Variants in RPS6KC1 observed in about 807,000 individuals in gnomAD.
RPS6KC1 encodes inactive ribosomal protein S6 kinase delta-1.
RPS6KC1 carries 54 observed loss-of-function variants against 103.8 expected under a neutral mutation model. The observed-to-expected ratio is 0.52, with a 90% CI of 0.42 to 0.65. RPS6KC1 has a LOEUF of 0.65. RPS6KC1 is among the 30% of genes least tolerant of loss of function. The pLI, the probability that RPS6KC1 is intolerant of heterozygous loss-of-function variation, is 0.00. For missense variants in RPS6KC1, 1,151 were observed against 1,253.8 expected (o/e 0.92, Z 1.24); for synonymous variants, 439 against 438.7 (o/e 1.00, Z -0.01).
chr1:213,453,266 G>C, the RPS6KC1 span, among the ~76,000 whole-genome samples: 1 of 152,022 alleles, frequency 6.6e-6, no homozygotes, highest in Non-Finnish European at 1.5e-5. Flanking sequence ...TAGGGACTGG[G>C]GAAACAACTC....
chr1:213,369,042 C>T, the RPS6KC1 span, among the ~76,000 whole-genome samples: 10 of 152,164 alleles, frequency 6.6e-5, no homozygotes, highest in African/African-American at 1.7e-4. Flanking sequence ...GAGATTAAGT[C>T]CTTGTCTATA....
chr1:213,842,822 G>A, the RPS6KC1 span, among the ~76,000 whole-genome samples: 1 of 152,192 alleles, frequency 6.6e-6, no homozygotes, highest in Non-Finnish European at 1.5e-5. Flanking sequence ...GTCCAGTTCT[G>A]TTTTAGGGGC....
the RPS6KC1 span, among the ~76,000 whole-genome samples, chr1:213,365,019 C>T: frequency 6.6e-6 from 1 of 152,112 alleles, no homozygotes; most frequent in Non-Finnish European, 1.5e-5. Flanking sequence ...ATTCATTGAG[C>T]ACCATAAATA....
the RPS6KC1 span, among the ~76,000 whole-genome samples, chr1:213,666,146 G>A: frequency 6.6e-6 from 1 of 152,176 alleles, no homozygotes; most frequent in Admixed American, 6.5e-5. Context: ...AATGAAGCTG[G>A]CTGGGACCTC....
the RPS6KC1 span, among the ~76,000 whole-genome samples, chr1:213,814,704 A>C: frequency 6.6e-6 from 1 of 152,192 alleles, no homozygotes; most frequent in Non-Finnish European, 1.5e-5. Flanking sequence ...TGTAATCCTC[A>C]TATGTACCTT....
At chr1:213,537,592 C>T in the RPS6KC1 span, among the ~76,000 whole-genome samples, 1 of 152,078 alleles carries the variant, frequency 6.6e-6, no homozygotes, top group African/African-American at 2.4e-5. Flanking sequence ...TCCTTTTGTC[C>T]CCTCACCTAC....
At chr1:213,858,395 G>GTT in the RPS6KC1 span, among the ~76,000 whole-genome samples, 1 of 151,258 alleles carries the variant, frequency 6.6e-6, no homozygotes, top group Admixed American at 6.6e-5. Context: ...ACCATGATGT[G>GTT]TTTTTTTTTA....
At chr1:213,262,611 T>G in intron 13 of RPS6KC1, 110 bp from the exon 14 acceptor site, 1 of 752,588 alleles carries the variant, frequency 1.3e-6, no homozygotes, top group Admixed American at 1.9e-5. Context: ...TTACTACACT[T>G]CCAGTTAAAA....
intron 1 of RPS6KC1, among the ~76,000 whole-genome samples, chr1:213,063,984 A>G (rs1376089205): frequency 6.6e-6 from 1 of 152,220 alleles, no homozygotes; most frequent in Non-Finnish European, 1.5e-5. Flanking sequence ...AAGCATTTCA[A>G]GATATATAGG....
At chr1:213,712,384 C>T in the RPS6KC1 span, among the ~76,000 whole-genome samples, 3 of 152,338 alleles carry the variant, frequency 2.0e-5, no homozygotes, top group East Asian at 5.8e-4. Context: ...TCAAGTGTCC[C>T]AGGTCAACTT....
the RPS6KC1 span, among the ~76,000 whole-genome samples, chr1:213,814,994 C>A: frequency 1.3e-5 from 2 of 152,164 alleles, no homozygotes; most frequent in Admixed American, 1.3e-4. Context: ...TGTCTCCACC[C>A]AAATCTCATC....
At chr1:213,673,860 A>G in the RPS6KC1 span, among the ~76,000 whole-genome samples, 1 of 152,042 alleles carries the variant, frequency 6.6e-6, no homozygotes, top group African/African-American at 2.4e-5. Context: ...TTTTTGATTC[A>G]GGGGGTACAT....
the RPS6KC1 span, among the ~76,000 whole-genome samples, chr1:213,543,696 A>G: frequency 3.2e-4 from 49 of 152,352 alleles, no homozygotes; most frequent in Non-Finnish European, 6.6e-4. Context: ...AGTTCAGAAC[A>G]ATTCACCCAA....
chr1:213,170,908 G>T (rs565462439), intron 7 of RPS6KC1, among the ~76,000 whole-genome samples: 2 of 152,060 alleles, frequency 1.3e-5, no homozygotes, highest in Non-Finnish European at 2.9e-5. Flanking sequence ...GATTTCTAAG[G>T]CCCCTTTAGC....
the RPS6KC1 span, among the ~76,000 whole-genome samples, chr1:213,615,058 A>G: frequency 6.6e-6 from 1 of 152,166 alleles, no homozygotes; most frequent in Non-Finnish European, 1.5e-5. Flanking sequence ...ACCTGATGAC[A>G]CCATACTATT....
At chr1:213,769,963 G>T in the RPS6KC1 span, among the ~76,000 whole-genome samples, 1 of 152,282 alleles carries the variant, frequency 6.6e-6, no homozygotes, top group East Asian at 1.9e-4. Context: ...TTCCAGCACT[G>T]CTCTCTGTGG....
the RPS6KC1 span, among the ~76,000 whole-genome samples, chr1:213,510,734 C>T: frequency 4.6e-3 from 693 of 152,188 alleles, 1 homozygote; most frequent in Non-Finnish European, 8.3e-3. Context: ...TCGTAGGAGC[C>T]GCAGTTTGTC....
chr1:213,375,774 T>G, the RPS6KC1 span, among the ~76,000 whole-genome samples: 8 of 152,072 alleles, frequency 5.3e-5, no homozygotes, highest in African/African-American at 1.9e-4. Context: ...GGACCTATGT[T>G]TTGTCAGGAC....
At chr1:213,135,650 C>T (rs561517212) in intron 6 of RPS6KC1, among the ~76,000 whole-genome samples, 39 of 152,110 alleles carry the variant, frequency 2.6e-4, no homozygotes, top group Non-Finnish European at 5.0e-4. Flanking sequence ...CATTTTAAAA[C>T]AGTCTAATTA....
Sources: gnomAD v4.1 joint callset for allele counts (sites outside exome capture counted in the v4.1 genomes callset) on GRCh38, gnomAD v4.1.1 for gene constraint, MANE v1.5 for transcripts, NCBI Gene and HGNC (gene_info 2026-07-23, HGNC 2026-07-21) for gene names.